The following AKAP19 variants were observed in gnomAD, a reference collection of about 807,000 sequenced individuals.
AKAP19 encodes small A-kinase anchoring protein.
At chr2:190,187,557 A>G in the AKAP19 span, among the ~76,000 whole-genome samples, 6,184 of 152,090 alleles carry the variant, frequency 0.041, 395 homozygotes, top group African/African-American at 0.14. Flanking sequence ...ACAGCTACAA[A>G]ATGAACTATA....
chr2:190,177,640 G>A, the AKAP19 span, among the ~76,000 whole-genome samples: 1 of 152,208 alleles, frequency 6.6e-6, no homozygotes, highest in Admixed American at 6.5e-5. This position sits in a 1 kb window ranked among gnomAD's most constrained non-coding sequence, Gnocchi z 4.6. Flanking sequence ...AAAGGTGCTC[G>A]TTTAAGTAGA....
At chr2:190,010,323 T>C in the AKAP19 span, among the ~76,000 whole-genome samples, 1 of 152,186 alleles carries the variant, frequency 6.6e-6, no homozygotes, top group Non-Finnish European at 1.5e-5. Context: ...TCAATTTTCT[T>C]ACAGGAGTAG....
At chr2:190,099,521 G>T in the AKAP19 span, among the ~76,000 whole-genome samples, 2 of 152,098 alleles carry the variant, frequency 1.3e-5, no homozygotes, top group Non-Finnish European at 2.9e-5. Flanking sequence ...ACTGATCATA[G>T]ATCACCATAA....
the AKAP19 span, chr2:189,917,233 C>A: frequency 8.9e-7 from 1 of 1,121,822 alleles, no homozygotes; most frequent in South Asian, 1.6e-5. Flanking sequence ...ACTGTCCTTT[C>A]ATCAAGCTTT....
chr2:190,005,168 A>G, the AKAP19 span, among the ~76,000 whole-genome samples: 1 of 152,222 alleles, frequency 6.6e-6, no homozygotes, highest in African/African-American at 2.4e-5. Flanking sequence ...AAGAGTCAGC[A>G]GCAGCAAGAT....
At chr2:190,185,637 C>G in the AKAP19 span, among the ~76,000 whole-genome samples, 1 of 152,104 alleles carries the variant, frequency 6.6e-6, no homozygotes, top group African/African-American at 2.4e-5. Context: ...GAAATACCTG[C>G]TTGTGTATGT....
the AKAP19 span, chr2:189,923,804 A>G: frequency 1.2e-6 from 2 of 1,612,072 alleles, no homozygotes; most frequent in African/African-American, 2.7e-5. Flanking sequence ...ACAAAGGGGC[A>G]TAAGTGGCTT....
At chr2:190,125,382 G>A in the AKAP19 span, among the ~76,000 whole-genome samples, 1 of 152,140 alleles carries the variant, frequency 6.6e-6, no homozygotes, top group Non-Finnish European at 1.5e-5. Context: ...GGAGAACGCT[G>A]ATACAGATGC....
At chr2:190,139,786 C>G in the AKAP19 span, among the ~76,000 whole-genome samples, 5 of 152,076 alleles carry the variant, frequency 3.3e-5, no homozygotes, top group Admixed American at 6.5e-5. Flanking sequence ...CCATATCATT[C>G]CTCCCCCGGC....
At chr2:190,004,009 T>C in the AKAP19 span, among the ~76,000 whole-genome samples, 4 of 152,184 alleles carry the variant, frequency 2.6e-5, no homozygotes, top group Non-Finnish European at 5.9e-5. Context: ...CAATCACTTC[T>C]CACAATTGTC....
At chr2:190,133,513 A>G in the AKAP19 span, among the ~76,000 whole-genome samples, 1 of 152,160 alleles carries the variant, frequency 6.6e-6, no homozygotes, top group South Asian at 2.1e-4. Flanking sequence ...AGGTTCCTCA[A>G]AAAACAGATC....
the AKAP19 span, among the ~76,000 whole-genome samples, chr2:190,173,181 T>C: frequency 1.3e-5 from 2 of 152,208 alleles, no homozygotes; most frequent in Admixed American, 1.3e-4. Context: ...CAGCACATAG[T>C]AGATGCTCAA....
the AKAP19 span, chr2:190,089,638 A>G: frequency 6.6e-6 from 1 of 152,172 alleles, no homozygotes; most frequent in African/African-American, 2.4e-5. Flanking sequence ...TTCTAATTTC[A>G]ATATTACATG....
the AKAP19 span, among the ~76,000 whole-genome samples, chr2:189,932,838 G>T: frequency 1.3e-5 from 2 of 151,914 alleles, no homozygotes; most frequent in South Asian, 4.2e-4. Flanking sequence ...AAATGGGATT[G>T]TTTTACATTA....
the AKAP19 span, among the ~76,000 whole-genome samples, chr2:189,980,337 C>T: frequency 6.6e-6 from 1 of 152,116 alleles, no homozygotes; most frequent in African/African-American, 2.4e-5. Flanking sequence ...TGTTTTCACT[C>T]ATTTTTTAGT....
At chr2:190,027,006 C>G in the AKAP19 span, among the ~76,000 whole-genome samples, 1 of 151,978 alleles carries the variant, frequency 6.6e-6, no homozygotes, top group African/African-American at 2.4e-5. Flanking sequence ...CTAACAAATC[C>G]ATACTTCAAT....
the AKAP19 span, among the ~76,000 whole-genome samples, chr2:189,944,070 C>G: frequency 6.6e-6 from 1 of 152,262 alleles, no homozygotes; most frequent in African/African-American, 2.4e-5. Context: ...GGAATGCATA[C>G]AAGGCGGGCT....
chr2:190,164,208 G>T, the AKAP19 span: 3 of 152,212 alleles, frequency 2.0e-5, no homozygotes, highest in Non-Finnish European at 2.9e-5. Context: ...AGGAAGAAAA[G>T]GCTTTATTAC....
At chr2:189,967,398 C>CA in the AKAP19 span, among the ~76,000 whole-genome samples, 1 of 152,020 alleles carries the variant, frequency 6.6e-6, no homozygotes, top group Non-Finnish European at 1.5e-5. Flanking sequence ...ACTTCAAAAC[C>CA]AAAAAGAAAA....
Sources: gnomAD v4.1 joint callset for allele counts (sites outside exome capture counted in the v4.1 genomes callset) on GRCh38, gnomAD v4.1.1 for gene constraint, Gnocchi (gnomAD v3.1) non-coding constraint, MANE v1.5 for transcripts, NCBI Gene and HGNC (gene_info 2026-07-23, HGNC 2026-07-21) for gene names.